The following TCF4 variants were observed in gnomAD, a reference collection of about 807,000 sequenced individuals.
The protein encoded by TCF4 is transcription factor 4.
A neutral mutation model predicts 82.1 loss-of-function variants in TCF4; 3 were observed. The observed-to-expected ratio is 0.04, with a 90% CI of 0.02 to 0.09. The LOEUF is 0.09. Among genes scored for constraint, TCF4 ranks in the 10% least tolerant of loss-of-function variants. The probability of loss-of-function intolerance (pLI) is 1.00; values close to 1 mark genes in which losing one functional copy is unlikely to be tolerated. For missense variants in TCF4, 518 were observed against 852.7 expected (o/e 0.61, Z 4.89); for synonymous variants, 276 against 309.6 (o/e 0.89, Z 1.14).
intron 3 of TCF4, among the ~76,000 whole-genome samples, chr18:55,566,438 A>G (rs1361577608): frequency 6.6e-6 from 1 of 152,130 alleles, no homozygotes; most frequent in Non-Finnish European, 1.5e-5. Flanking sequence ...CACATAAATA[A>G]ATACATATAA....
intron 5 of TCF4, among the ~76,000 whole-genome samples, chr18:55,430,596 A>T (rs1245764445): frequency 6.6e-6 from 1 of 152,170 alleles, no homozygotes; most frequent in Non-Finnish European, 1.5e-5. Flanking sequence ...CCAAATTCCC[A>T]GCTCTTCCCA....
At chr18:55,361,409 C>T (rs1282859735) in intron 6 of TCF4, among the ~76,000 whole-genome samples, 1 of 152,220 alleles carries the variant, frequency 6.6e-6, no homozygotes, top group Non-Finnish European at 1.5e-5. Context: ...TGTCTCTTCC[C>T]TTCCCTGCAG....
intron 8 of TCF4, among the ~76,000 whole-genome samples, chr18:55,303,516 T>C (rs1021099504): frequency 9.2e-5 from 14 of 152,202 alleles, no homozygotes; most frequent in African/African-American, 3.1e-4. Flanking sequence ...CAAAGAACAT[T>C]ACTTGCAATT....
At chr18:55,602,834 G>T (rs1012281438) in intron 2 of TCF4, among the ~76,000 whole-genome samples, 3 of 152,028 alleles carry the variant, frequency 2.0e-5, no homozygotes, top group Non-Finnish European at 4.4e-5. Flanking sequence ...GCAAAGAGGT[G>T]GAAATTATGC....
chr18:55,323,138 A>G (rs1158318689), intron 8 of TCF4, among the ~76,000 whole-genome samples: 1 of 152,184 alleles, frequency 6.6e-6, no homozygotes, highest in African/African-American at 2.4e-5. Context: ...GGTACAAAAA[A>G]AGGAAAGAAA....
intron 15 of TCF4, 78 bp downstream of exon 15, chr18:55,254,419 A>T: frequency 7.0e-7 from 1 of 1,418,830 alleles, no homozygotes; most frequent in Non-Finnish European, 9.8e-7. Flanking sequence ...ATTTTTTAAA[A>T]AACAGCAACA....
At chr18:55,364,190 A>G (rs975196168) in intron 6 of TCF4, among the ~76,000 whole-genome samples, 3 of 152,220 alleles carry the variant, frequency 2.0e-5, no homozygotes, top group South Asian at 4.1e-4. Flanking sequence ...AGAAGTTTCA[A>G]GTTAAAAATT....
At chr18:55,317,964 A>G (rs1241257385) in intron 8 of TCF4, among the ~76,000 whole-genome samples, 6 of 152,120 alleles carry the variant, frequency 3.9e-5, no homozygotes, top group African/African-American at 9.7e-5. Context: ...TGATTTGACA[A>G]ATAACTATTT....
chr18:55,239,922 A>G (rs1426506526), intron 15 of TCF4, among the ~76,000 whole-genome samples: 1 of 152,204 alleles, frequency 6.6e-6, no homozygotes, highest in African/African-American at 2.4e-5. Flanking sequence ...GGCCTATTTC[A>G]TGGATGGGAA....
chr18:55,430,041 G>A (rs2095138267), intron 5 of TCF4, among the ~76,000 whole-genome samples: 1 of 152,088 alleles, frequency 6.6e-6, no homozygotes, highest in Non-Finnish European at 1.5e-5. Flanking sequence ...ACATGTTGAT[G>A]TTAAATGTTA....
intron 3 of TCF4, among the ~76,000 whole-genome samples, chr18:55,523,426 T>C (rs905790596): frequency 5.3e-5 from 8 of 151,948 alleles, no homozygotes; most frequent in African/African-American, 1.7e-4. Flanking sequence ...TATCAGTTTT[T>C]TAAAAATGCA....
intron 6 of TCF4, among the ~76,000 whole-genome samples, chr18:55,373,469 T>C (rs927422251): frequency 2.6e-5 from 4 of 152,072 alleles, no homozygotes; most frequent in African/African-American, 7.2e-5. Context: ...CTCTCAGAAA[T>C]TTAAATCAAT....
chr18:55,228,121 A>G (rs1489574273), intron 19 of TCF4, 91 bp from the exon 20 acceptor site: 1 of 1,478,144 alleles, frequency 6.8e-7, no homozygotes, highest in Non-Finnish European at 9.3e-7. Flanking sequence ...TTTCCATGAA[A>G]GAAAATATCT....
intron 5 of TCF4, among the ~76,000 whole-genome samples, chr18:55,438,687 G>C (rs1332966908): frequency 1.3e-5 from 2 of 152,130 alleles, no homozygotes; most frequent in Non-Finnish European, 2.9e-5. Flanking sequence ...TTTGGCCATG[G>C]GAACAAGGAC....
intron 8 of TCF4, among the ~76,000 whole-genome samples, chr18:55,311,204 AC>A (rs1480151033): frequency 6.6e-6 from 1 of 152,220 alleles, no homozygotes; most frequent in Non-Finnish European, 1.5e-5. Context: ...AAGAAAAAAA[AC>A]AAAAAAATGT....
At position 55,350,985 on chromosome 18, in the gene TCF4, C is replaced by G; in HGVS notation, c.388G>C (p.Asp130His). 2 of 1,613,348 alleles carry G rather than the reference C, an allele frequency of 1.2e-6. No homozygotes were observed. The highest frequency in any genetic ancestry group is 1.7e-6 in the Non-Finnish European group (2 of 1,179,458). The change falls in exon 7 of 20, where the codon GAC becomes CAC. Residue 130 changes from aspartate to histidine, a missense_variant. By Grantham distance (81) the Asp-to-His change is moderately conservative. Around this residue, in one of 7 missense-constraint regions of TCF4, gnomAD observed 211 missense variants for 327.4 expected, o/e 0.64. Transcript: ENST00000354452. ...GCHQQSLLGG[D>H]MDMGNPGTLS... ...GTTCCTGGGTTGCCCATATCCATGT[C>G]ACCTCCAAGGAGACTCTGCTAAAAG...
intron 15 of TCF4, among the ~76,000 whole-genome samples, chr18:55,248,120 C>T (rs2053872581): frequency 6.6e-6 from 1 of 152,146 alleles, no homozygotes; most frequent in Admixed American, 6.5e-5. Context: ...TTTATGGAAT[C>T]AAAACCTGTG....
At chr18:55,613,329 G>C (rs989198282) in intron 2 of TCF4, among the ~76,000 whole-genome samples, 1 of 152,080 alleles carries the variant, frequency 6.6e-6, no homozygotes, top group Non-Finnish European at 1.5e-5. Flanking sequence ...ACCATGAATA[G>C]TTGGGATTTT....
Position 55,514,405 on chromosome 18 carries a change from G to GCGCACA in TCF4, c.146-50269_146-50268insTGTGCG, listed in dbSNP as rs1555716176. On this transcript the variant is annotated intron_variant, in intron 3 of 19. Transcript: ENST00000354452. ...TGAGCATACACACACATCTATCCATGCACACACACACACACACACACACAC... is the reference window on the plus strand; with the variant it reads ...TGAGCATACACACACATCTATCCATGCGCACACACACACACACACACACACACACAC... Among the ~76,000 whole-genome samples, 5 of 130,286 alleles carry GCGCACA rather than the reference G, an allele frequency of 3.8e-5. No homozygotes were observed. In the South Asian group the frequency reaches 1.1e-3, roughly 29 times the overall value. The allele number at this position is 130,286 out of a possible 152,430, so 85.5% of individuals were successfully genotyped here.
Sources: allele counts gnomAD v4.1 joint callset (sites outside exome capture counted in the v4.1 genomes callset), GRCh38; gene constraint gnomAD v4.1.1; regional missense constraint gnomAD v4.1.1; transcripts MANE v1.5; gene names NCBI Gene and HGNC (gene_info 2026-07-23, HGNC 2026-07-21).